Variants in KCNAB1 observed in about 807,000 individuals in gnomAD.
KCNAB1 encodes the protein voltage-gated potassium channel subunit beta-1.
KCNAB1 carries 35 observed loss-of-function variants against 64.6 expected under a neutral mutation model. The ratio of observed to expected loss-of-function variants is 0.54; its 90% CI spans 0.41 to 0.72. The LOEUF (loss-of-function observed/expected upper bound fraction) is 0.72, where lower values mean the gene tolerates loss of function less well. KCNAB1 is among the 30% of genes least tolerant of loss of function. The pLI is 0.00. For synonymous variants in KCNAB1, 177 were observed against 183.8 expected (o/e 0.96, Z 0.30); for missense variants, 401 against 512.9 (o/e 0.78, Z 2.11).
intron 1 of KCNAB1, among the ~76,000 whole-genome samples, chr3:156,409,819 G>C (rs1714514609): frequency 6.6e-6 from 1 of 152,164 alleles, no homozygotes; most frequent in Admixed American, 6.5e-5. Context: ...ATAATAAAAA[G>C]ATCAAAGTAG....
At chr3:156,157,598 T>G (rs185373495) in intron 1 of KCNAB1, among the ~76,000 whole-genome samples, 1 of 152,346 alleles carries the variant, frequency 6.6e-6, no homozygotes, top group African/African-American at 2.4e-5. Flanking sequence ...TTAAATTAAT[T>G]TTGTTATATT....
At chr3:156,302,176 C>G (rs143486089) in intron 1 of KCNAB1, among the ~76,000 whole-genome samples, 1 of 152,156 alleles carries the variant, frequency 6.6e-6, no homozygotes, top group African/African-American at 2.4e-5. Flanking sequence ...CTTCACGTCT[C>G]TTTTTTTCTC....
chr3:156,277,778 G>T (rs549472222), intron 1 of KCNAB1, among the ~76,000 whole-genome samples: 5 of 152,190 alleles, frequency 3.3e-5, no homozygotes, highest in African/African-American at 1.2e-4. Flanking sequence ...GGATTGCTGG[G>T]TTACTTAGCA....
At chr3:156,478,109 T>G (rs1230333230) in intron 8 of KCNAB1, among the ~76,000 whole-genome samples, 1 of 152,194 alleles carries the variant, frequency 6.6e-6, no homozygotes, top group African/African-American at 2.4e-5. Context: ...ATTCAATTTA[T>G]TTTTCAAATG....
Position 156,452,797 on chromosome 3 carries a change from C to A in KCNAB1, c.320-102C>A. 1 of 795,674 alleles carries A rather than the reference C, an allele frequency of 1.3e-6. No homozygotes were observed. The highest frequency in any genetic ancestry group is 2.1e-6 in the Non-Finnish European group (1 of 480,860). The allele number at this position is 795,674 out of a possible 1,614,324, so 49.3% of individuals were successfully genotyped here. On this transcript the variant is annotated intron_variant, in intron 2 of 13. Transcript: ENST00000490337. The surrounding 1 kb of genome is among the most constrained non-coding windows in gnomAD (Gnocchi z 4.6). Reference sequence around the variant, plus strand: ...CATCCAGGTACCTTTGTGAACTACCCATACAACCTATTGAGGTAGTCCCAA... The same window carrying A: ...CATCCAGGTACCTTTGTGAACTACCAATACAACCTATTGAGGTAGTCCCAA...
In KCNAB1 at chr3:156,319,227, A is replaced by G. The variant is rs541736645; in HGVS notation, c.276-102389A>G. Among the ~76,000 whole-genome samples, 9 of 152,248 alleles carry G rather than the reference A, an allele frequency of 5.9e-5. 1 individual carries two copies. In the South Asian group the frequency reaches 1.7e-3, roughly 28 times the overall value. Reference sequence around the variant, plus strand: ...AAGCTCTCCTTTCCAATATTTTGTCAGTTAGAGTAGTCCAGGTTATGCTGC... The same window carrying G: ...AAGCTCTCCTTTCCAATATTTTGTCGGTTAGAGTAGTCCAGGTTATGCTGC... On this transcript the variant is annotated intron_variant, in intron 1 of 13. Transcript: ENST00000490337.
chr3:156,485,034 A>G (rs548564166), intron 8 of KCNAB1, among the ~76,000 whole-genome samples: 18 of 152,270 alleles, frequency 1.2e-4, no homozygotes, highest in Admixed American at 7.2e-4. Context: ...AAGTGGAAAC[A>G]TGTTATAAAT....
intron 11 of KCNAB1, among the ~76,000 whole-genome samples, chr3:156,518,843 T>C (rs1717743962): frequency 6.6e-6 from 1 of 152,186 alleles, no homozygotes; most frequent in Non-Finnish European, 1.5e-5. Context: ...CACTCCTTCT[T>C]TGTGTCTATT....
At chr3:156,164,392 C>G (rs982500570) in intron 1 of KCNAB1, among the ~76,000 whole-genome samples, 4 of 152,204 alleles carry the variant, frequency 2.6e-5, no homozygotes, top group Non-Finnish European at 5.9e-5. Context: ...ATTTTTCCAT[C>G]AGTGTCCCAT....
Position 156,226,169 on chromosome 3 carries a change from C to T in KCNAB1, c.275+105283C>T, listed in dbSNP as rs563362897. On this transcript the variant is annotated intron_variant, in intron 1 of 13. Transcript: ENST00000490337. The stretch of plus-strand genomic sequence containing the variant: ...TCACATTACCTGACTTCAAACTATA[C>T]TGTAAGGCCACAGTCACCAAAACAG... Among the ~76,000 whole-genome samples, 9 of 152,296 alleles carry T rather than the reference C, an allele frequency of 5.9e-5. No homozygotes were observed. The East Asian group carries it at 1.7e-3, about 29-fold the overall frequency.
chr3:156,289,659 T>C (rs1374344136), intron 1 of KCNAB1, among the ~76,000 whole-genome samples: 1 of 152,166 alleles, frequency 6.6e-6, no homozygotes, highest in African/African-American at 2.4e-5. Context: ...CATTAGTCAA[T>C]ATGTTTATTT....
At chr3:156,315,043 G>C (rs538758708) in intron 1 of KCNAB1, among the ~76,000 whole-genome samples, 1 of 152,152 alleles carries the variant, frequency 6.6e-6, no homozygotes, top group Admixed American at 6.5e-5. Context: ...ACATTTTCTC[G>C]GGTCTCCAAA....
intron 1 of KCNAB1, among the ~76,000 whole-genome samples, chr3:156,309,171 A>G (rs907885778): frequency 1.3e-5 from 2 of 152,234 alleles, no homozygotes; most frequent in Non-Finnish European, 2.9e-5. Context: ...TGTAAATAAT[A>G]TATCAGTTTT....
At position 156,208,681 on chromosome 3, in the gene KCNAB1, A is replaced by C. The variant is rs757327616; in HGVS notation, c.275+87795A>C. Among the ~76,000 whole-genome samples the C allele has an allele frequency of 7.6e-4, 115 of 152,292 alleles. 2 individuals are homozygous for C. The highest frequency in any genetic ancestry group is 1.4e-3 in the Non-Finnish European group (97 of 68,016). On this transcript the variant is annotated intron_variant, in intron 1 of 13. Transcript: ENST00000490337. The stretch of plus-strand genomic sequence containing the variant: ...TGAGCTGAATTTCATGCTGTGAGAA[A>C]CCAGAACAAACTGTTAATTCTGGTG...
At chr3:156,295,922 T>A (rs571194877) in intron 1 of KCNAB1, among the ~76,000 whole-genome samples, 40 of 152,326 alleles carry the variant, frequency 2.6e-4, no homozygotes, top group Non-Finnish European at 2.1e-4. Context: ...TTAATTATAG[T>A]CAGTCTACTC....
At position 156,427,749 on chromosome 3, in the gene KCNAB1, G is replaced by A. The variant is rs550411514; in HGVS notation, c.319+6090G>A. On this transcript the variant is annotated intron_variant, in intron 2 of 13. Transcript: ENST00000490337. ...GCATCAGGGATTGTCCTAAAAGAGC[G>A]TTGGAGACCGGGGAACCTACCACAT... Among the ~76,000 whole-genome samples the A allele has an allele frequency of 6.6e-5, 10 of 152,284 alleles. No homozygotes were observed. In the South Asian group the frequency reaches 8.3e-4, roughly 13 times the overall value.
chr3:156,459,956 C>A, intron 5 of KCNAB1, 85 bp downstream of exon 5: 2 of 899,368 alleles, frequency 2.2e-6, no homozygotes, highest in Non-Finnish European at 1.8e-6. Context: ...TGACACCTGA[C>A]CAAAAGGCTG....
intron 1 of KCNAB1, among the ~76,000 whole-genome samples, chr3:156,211,095 T>G (rs543142031): frequency 6.6e-6 from 1 of 152,002 alleles, no homozygotes; most frequent in Non-Finnish European, 1.5e-5. Flanking sequence ...TCAGTATGAG[T>G]GTGGGCAGTG....
chr3:156,157,144 G>A (rs929629712), intron 1 of KCNAB1, among the ~76,000 whole-genome samples: 2 of 152,154 alleles, frequency 1.3e-5, no homozygotes. Flanking sequence ...GAACATGGAG[G>A]CCACTATTTA....
Sources: gnomAD v4.1 joint callset for allele counts (sites outside exome capture counted in the v4.1 genomes callset) on GRCh38, gnomAD v4.1.1 for gene constraint, Gnocchi (gnomAD v3.1) non-coding constraint, MANE v1.5 for transcripts, NCBI Gene and HGNC (gene_info 2026-07-23, HGNC 2026-07-21) for gene names.